Variants in NPIPB8 observed in about 807,000 individuals in gnomAD.
NPIPB8 encodes nuclear pore complex-interacting protein family member B8.
In NPIPB8, 3 loss-of-function variants were observed where a neutral mutation model predicts 5.3. The observed-to-expected ratio is 0.57, with a 90% CI of 0.26 to 1.47. The LOEUF (loss-of-function observed/expected upper bound fraction) is 1.47, where lower values mean the gene tolerates loss of function less well. Ranked by LOEUF, NPIPB8 falls within the 40% of genes most tolerant of loss-of-function variation. The pLI is 0.13. For synonymous variants in NPIPB8, 18 were observed against 23.0 expected, an observed-to-expected ratio of 0.78 and a Z score of 0.62; for missense variants, 50 against 50.2, an observed-to-expected ratio of 1.00 and a Z score of 0.01.
chr16:28,642,088 C>A (rs116593042), intron 2 of NPIPB8, among the ~76,000 whole-genome samples: 1,699 of 148,048 alleles, frequency 0.011, 46 homozygotes, highest in African/African-American at 0.042. Flanking sequence ...ATAACCAACA[C>A]AACCGAAATC....
At chr16:28,653,245 G>T (rs1220137741) in intron 5 of NPIPB8, among the ~76,000 whole-genome samples, 6 of 84,234 alleles carry the variant, frequency 7.1e-5, no homozygotes, top group East Asian at 2.5e-4. Context: ...GATAATTTTT[G>T]TATTCTTAGT....
At chr16:28,639,510 G>T (rs1303438736) in intron 2 of NPIPB8, among the ~76,000 whole-genome samples, 3 of 128,774 alleles carry the variant, frequency 2.3e-5, no homozygotes, top group Non-Finnish European at 4.8e-5. Context: ...AGGCTGGAGT[G>T]CAATGGCACA....
At chr16:28,642,646 G>A (rs1250234502) in intron 2 of NPIPB8, among the ~76,000 whole-genome samples, 42 of 150,472 alleles carry the variant, frequency 2.8e-4, no homozygotes, top group Non-Finnish European at 2.7e-4. Flanking sequence ...CACCACACCC[G>A]GCTAATTTTT....
chr16:28,644,350 TCTC>T (rs1231829316), intron 2 of NPIPB8, among the ~76,000 whole-genome samples: 4 of 113,082 alleles, frequency 3.5e-5, no homozygotes, highest in Admixed American at 8.6e-5. Flanking sequence ...CCTTTCTTCT[TCTC>T]CTCCTCCTCC....
chr16:28,642,121 G>C (rs1320953529), intron 2 of NPIPB8, among the ~76,000 whole-genome samples: 1 of 146,970 alleles, frequency 6.8e-6, no homozygotes. Context: ...TTTTTTTTGA[G>C]ACAGAGTCTC....
intron 5 of NPIPB8, among the ~76,000 whole-genome samples, chr16:28,652,696 G>A (rs1389572522): frequency 8.0e-6 from 1 of 124,646 alleles, no homozygotes; most frequent in Non-Finnish European, 1.7e-5. Flanking sequence ...CTGCCTTTTG[G>A]CTTCAAGCAA....
intron 2 of NPIPB8, among the ~76,000 whole-genome samples, chr16:28,641,429 C>A (rs1421902970): frequency 6.9e-6 from 1 of 144,246 alleles, no homozygotes; most frequent in Non-Finnish European, 1.6e-5. Flanking sequence ...AGCATCCCAG[C>A]CTAGGCCCAA....
chr16:28,652,736 G>A (rs2048063685), intron 5 of NPIPB8, among the ~76,000 whole-genome samples: 1 of 132,124 alleles, frequency 7.6e-6, no homozygotes, highest in South Asian at 2.2e-4. Context: ...CAAGTAGCTG[G>A]GATTACAGGT....
chr16:28,638,239 C>T, intron 1 of NPIPB8, 84 bp from the exon 2 acceptor site: 9 of 1,502,768 alleles, frequency 6.0e-6, no homozygotes, highest in Non-Finnish European at 7.0e-6. Context: ...TTCTGAAGCC[C>T]CTATGCTCTT....
intron 2 of NPIPB8, among the ~76,000 whole-genome samples, chr16:28,644,425 C>A (rs1596680527): frequency 8.0e-5 from 1 of 12,482 alleles, no homozygotes; most frequent in African/African-American, 4.5e-4. Flanking sequence ...TACTTCCCCC[C>A]TTCCCCTCCC....
At chr16:28,639,440 C>G (rs1327266805) in intron 2 of NPIPB8, among the ~76,000 whole-genome samples, 1 of 89,122 alleles carries the variant, frequency 1.1e-5, no homozygotes, top group Non-Finnish European at 2.2e-5. Context: ...CACACACACA[C>G]ACACATATAT....
intron 3 of NPIPB8, among the ~76,000 whole-genome samples, chr16:28,651,734 G>C (rs1297684651): frequency 1.3e-5 from 1 of 77,728 alleles, no homozygotes. Context: ...GCTTCAAATG[G>C]TTCTCTGCCT....
intron 2 of NPIPB8, among the ~76,000 whole-genome samples, chr16:28,638,974 C>G (rs1045473269): frequency 3.2e-4 from 48 of 149,120 alleles, no homozygotes; most frequent in African/African-American, 1.2e-3. Context: ...GAGGCTGAGA[C>G]AGGAGAATTG....
intron 2 of NPIPB8, among the ~76,000 whole-genome samples, chr16:28,643,045 C>T (rs1335705331): frequency 2.6e-5 from 4 of 151,972 alleles, no homozygotes; most frequent in Non-Finnish European, 5.9e-5. Flanking sequence ...CAGTGGGGGT[C>T]TGTCCTGGTC....
chr16:28,642,757 C>CA (rs1343950154), intron 2 of NPIPB8, among the ~76,000 whole-genome samples: 4 of 151,846 alleles, frequency 2.6e-5, no homozygotes, highest in Non-Finnish European at 5.9e-5. Context: ...GCTGGGATTA[C>CA]AGGCGTGAGC....
intron 2 of NPIPB8, chr16:28,644,552 G>A: frequency 6.9e-7 from 1 of 1,457,988 alleles, no homozygotes; most frequent in Non-Finnish European, 9.1e-7. Context: ...CTCCACCTCT[G>A]TCCTGGACAC....
intron 5 of NPIPB8, among the ~76,000 whole-genome samples, chr16:28,653,290 T>G (rs1776020949): frequency 1.6e-5 from 1 of 61,432 alleles, no homozygotes; most frequent in Admixed American, 1.8e-4. Context: ...TTCTAGACCA[T>G]ATTGGCCAAG....
In NPIPB8 at chr16:28,638,471, C is replaced by T. The variant is rs558908001; in HGVS notation, c.111C>T (p.Tyr37=). 3 of 1,562,260 alleles carry T rather than the reference C, an allele frequency of 1.9e-6. No homozygotes were observed. The highest frequency in any genetic ancestry group is 1.1e-5 in the South Asian group (1 of 88,230). Residue 37 remains tyrosine (Y), a synonymous_variant, in exon 2 of 8, where the codon TAC becomes TAT. Coordinates refer to ENST00000683297, the MANE Select transcript of NPIPB8 (RefSeq NM_001310136.2). ...AGTCAGTGACATGCCCATGCGAGTACCTGAGGAAGGTGAGTGAGTGCAGAC... is the reference window on the plus strand; with the variant it reads ...AGTCAGTGACATGCCCATGCGAGTATCTGAGGAAGGTGAGTGAGTGCAGAC... ...HVKSVTCPCE[Y]LRKVINSLAV...
chr16:28,652,893 C>A (rs1214551428), intron 5 of NPIPB8, among the ~76,000 whole-genome samples: 4 of 132,480 alleles, frequency 3.0e-5, no homozygotes, highest in Non-Finnish European at 4.8e-5. Context: ...TGAGCCACCA[C>A]ACCCAGGCTT....
Sources: gnomAD v4.1 joint callset for allele counts (sites outside exome capture counted in the v4.1 genomes callset) on GRCh38, gnomAD v4.1.1 for gene constraint, MANE v1.5 for transcripts, NCBI Gene and HGNC (gene_info 2026-07-23, HGNC 2026-07-21) for gene names.